The following TRIM41 variants were observed in gnomAD, a reference collection of about 807,000 sequenced individuals.
The protein encoded by TRIM41 is tripartite motif containing 41.
TRIM41 carries 21 observed loss-of-function variants against 60.6 expected under a neutral mutation model. That is an observed-to-expected ratio of 0.35 (90% CI 0.25 to 0.50). The LOEUF is 0.50. TRIM41 is among the 20% of genes least tolerant of loss of function. The probability of loss-of-function intolerance (pLI) is 0.98; values close to 1 mark genes in which losing one functional copy is unlikely to be tolerated. For missense variants in TRIM41, 846 were observed against 868.3 expected (o/e 0.97, Z 0.32); for synonymous variants, 407 against 344.9 (o/e 1.18, Z -2.00).
Position 181,223,737 on chromosome 5 carries a change from A to G in TRIM41, c.-263A>G, listed in dbSNP as rs971685820. On this transcript the variant is annotated 5_prime_UTR_variant, in exon 1 of 6. Transcript: ENST00000315073. ...GAGGAGTCCAAGGGAGCATTGGGGC[A>G]GACTTGTACTCAGAGCCACCTGAGG... The G allele has an allele frequency of 1.9e-5, 11 of 585,030 alleles. No homozygotes were observed. Among genetic ancestry groups the G allele is most frequent in the Admixed American group, 3.1e-5 (1 of 31,952 alleles). The allele number at this position is 585,030 out of a possible 1,614,324, so 36.2% of individuals were successfully genotyped here.
At position 181,234,316 on chromosome 5, in the gene TRIM41, C is replaced by T. The variant is rs764538566; in HGVS notation, c.1434C>T (p.Ala478=). The change falls in exon 6 of 6, where the codon GCC becomes GCT. Residue 478 remains alanine (A), a synonymous_variant. Coordinates refer to ENST00000315073, the MANE Select transcript of TRIM41 (RefSeq NM_033549.5). The surrounding 1 kb of genome is among the most constrained non-coding windows in gnomAD (Gnocchi z 5.6). ...RFSADCCVLG[A]QGFRSGRHYW... ...CGGCCGACTGCTGCGTACTGGGGGC[C>T]CAGGGCTTCCGCTCCGGCCGGCACT... The T allele has an allele frequency of 1.9e-6, 3 of 1,612,086 alleles. No homozygotes were observed. The highest frequency in any genetic ancestry group is 2.5e-6 in the Non-Finnish European group (3 of 1,179,492).
rs778341694 is a variant in TRIM41, at chr5:181,235,409, A to G, written c.*634A>G. ...GATCTGGAATGGTCGCCATGATTGA[A>G]ACCACGCACCATTACATCATCATTA... On this transcript the variant is annotated 3_prime_UTR_variant, in exon 6 of 6. Coordinates refer to ENST00000315073, the MANE Select transcript of TRIM41 (RefSeq NM_033549.5). The G allele has an allele frequency of 3.7e-6, 6 of 1,614,130 alleles. No individual in the cohort carries two copies. Among genetic ancestry groups the G allele is most frequent in the Non-Finnish European group, 5.1e-6 (6 of 1,180,010 alleles).
At position 181,223,627 on chromosome 5, in the gene TRIM41, A is replaced by C; in HGVS notation, c.-373A>C. ...GACAGCGGAGGGAAGTCGCGAGCTT[A>C]GGTGGTGTGTAGACGCCGGAAGTGT... On this transcript the variant is annotated 5_prime_UTR_variant, in exon 1 of 6. Transcript: ENST00000315073. The C allele has an allele frequency of 4.2e-6, 2 of 471,230 alleles. No homozygotes were observed. Among genetic ancestry groups the C allele is most frequent in the Non-Finnish European group, 7.5e-6 (2 of 267,954 alleles). 29.2% of individuals were successfully genotyped at this position (471,230 alleles called of 1,614,324 possible). A position where few individuals can be genotyped will look rare whatever the true frequency, so the allele number is the denominator to read the frequency against.
rs960046828 is a variant in TRIM41 at position 181,234,504 on chromosome 5, A to G, written c.1622A>G (p.Gln541Arg). The stretch of plus-strand genomic sequence containing the variant: ...CGCCGCCGCCGGCTCCACCTGCCCC[A>G]GCAGCCCCTGCTCCAGCGGGAAGTG... ...HHRRRRLHLP[Q>R]QPLLQREVWC... The change falls in exon 6 of 6, where the codon CAG becomes CGG. Residue 541 changes from glutamine (Q) to arginine (R), a missense_variant. Gln to Arg is a conservative substitution (Grantham distance 43, BLOSUM62 1). Transcript: ENST00000315073. The surrounding 1 kb of genome is among the most constrained non-coding windows in gnomAD (Gnocchi z 5.6). The G allele has an allele frequency of 3.1e-6, 5 of 1,613,796 alleles. No individual in the cohort carries two copies. Among genetic ancestry groups the G allele is most frequent in the Non-Finnish European group, 4.2e-6 (5 of 1,179,888 alleles).
Position 181,234,426 on chromosome 5 carries a change from C to A in TRIM41, c.1544C>A (p.Pro515His), listed in dbSNP as rs1231313028. The A allele has an allele frequency of 2.8e-5, 45 of 1,594,564 alleles. No homozygotes were observed. The highest frequency in any genetic ancestry group is 1.7e-4 in the Middle Eastern group (1 of 5,812). The change falls in exon 6 of 6, where the codon CCT becomes CAT. Residue 515 changes from proline (P) to histidine (H), a missense_variant. Coordinates refer to ENST00000315073, the MANE Select transcript of TRIM41 (RefSeq NM_033549.5). The surrounding 1 kb of genome is among the most constrained non-coding windows in gnomAD (Gnocchi z 5.6). ...ACCCATCATAAGGAAAAGGTGGGCC[C>A]TGGGGGTTCCTCCGTGGGCAGCGGG... ...ESTHHKEKVG[P>H]GGSSVGSGDA...
intron 1 of TRIM41, chr5:181,228,173 T>A (rs1758631232): frequency 6.8e-6 from 1 of 146,816 alleles, no homozygotes; most frequent in South Asian, 2.2e-4. Context: ...CGGTGGAGCT[T>A]GCAGTGAGCT....
rs55899220 is a variant in TRIM41 at position 181,223,421 on chromosome 5, C to A, written c.-579C>A. 23,268 of 399,884 alleles carry A rather than the reference C, an allele frequency of 0.058. 1,446 individuals carry two copies. Among genetic ancestry groups the A allele is most frequent in the African/African-American group, 0.22 (10,554 of 48,728 alleles). 24.8% of individuals were successfully genotyped at this position (399,884 alleles called of 1,614,324 possible). A position where few individuals can be genotyped will look rare whatever the true frequency, so the allele number is the denominator to read the frequency against. On this transcript the variant is annotated 5_prime_UTR_variant, in exon 1 of 6. Transcript: ENST00000315073. Reference sequence around the variant, plus strand: ...CCTACCCCCCGAAGTTTCTCCCCAGCGGCGGGGGATGGGGGTAGGCGGTTC... The same window carrying A: ...CCTACCCCCCGAAGTTTCTCCCCAGAGGCGGGGGATGGGGGTAGGCGGTTC...
chr5:181,233,994 G>T lies in TRIM41; in HGVS notation c.1292-180G>T. Reference sequence around the variant, plus strand: ...GAAGAGCCAGGCTGGGGGAAGACCTGTCAGGTATCCTAGGAACAAGAGTGA... The same window carrying T: ...GAAGAGCCAGGCTGGGGGAAGACCTTTCAGGTATCCTAGGAACAAGAGTGA... On this transcript the variant is annotated intron_variant, in intron 5 of 5. Coordinates refer to ENST00000315073, the MANE Select transcript of TRIM41 (RefSeq NM_033549.5). This position sits in a 1 kb window ranked among gnomAD's most constrained non-coding sequence, Gnocchi z 4.1. The T allele has an allele frequency of 8.1e-7, 1 of 1,229,204 alleles. No individual in the cohort carries two copies. Among genetic ancestry groups the T allele is most frequent in the Non-Finnish European group, 1.1e-6 (1 of 877,722 alleles). 76.1% of individuals were successfully genotyped at this position (1,229,204 alleles called of 1,614,324 possible). A position where few individuals can be genotyped will look rare whatever the true frequency, so the allele number is the denominator to read the frequency against.
rs1759046326 is a variant in TRIM41, at chr5:181,235,215, G to T, written c.*440G>T. ...CCCCATTCCAATTCCATTTTCTGAT[G>T]CAGATTTTAGCTGAGGGATTTGGAA... is the stretch of plus-strand genomic sequence containing the variant. On this transcript the variant is annotated 3_prime_UTR_variant, in exon 6 of 6. Transcript: ENST00000315073. The T allele has an allele frequency of 1.9e-6, 3 of 1,563,980 alleles. No individual in the cohort carries two copies. Among genetic ancestry groups the T allele is most frequent in the Non-Finnish European group, 1.7e-6 (2 of 1,151,388 alleles).
At position 181,235,294 on chromosome 5, in the gene TRIM41, A is replaced by T; in HGVS notation, c.*519A>T. 2 of 1,613,922 alleles carry T rather than the reference A, an allele frequency of 1.2e-6. No homozygotes were observed. The highest frequency in any genetic ancestry group is 1.7e-6 in the Non-Finnish European group (2 of 1,179,926). On this transcript the variant is annotated 3_prime_UTR_variant, in exon 6 of 6. Coordinates refer to ENST00000315073, the MANE Select transcript of TRIM41 (RefSeq NM_033549.5). Reference sequence around the variant, plus strand: ...GGGTAGAGCTGGGTAATAAATGTCTATTCTCCTGGGGAGGAGGGATTCTAA... The same window carrying T: ...GGGTAGAGCTGGGTAATAAATGTCTTTTCTCCTGGGGAGGAGGGATTCTAA...
rs768146583 is a variant in TRIM41, at chr5:181,235,018, G to A, written c.*243G>A. The A allele has an allele frequency of 1.9e-6, 3 of 1,614,076 alleles. No individual in the cohort carries two copies. Among genetic ancestry groups the A allele is most frequent in the Non-Finnish European group, 1.7e-6 (2 of 1,180,032 alleles). On this transcript the variant is annotated 3_prime_UTR_variant, in exon 6 of 6. Coordinates refer to ENST00000315073, the MANE Select transcript of TRIM41 (RefSeq NM_033549.5). ...CAGGTCTGCATGGGTCCCTGATAAT[G>A]AGAACAGCTGCCTGGTCTTCTCTCC...
chr5:181,231,682 T>C (rs957209751), intron 2 of TRIM41: 2 of 152,418 alleles, frequency 1.3e-5, no homozygotes, highest in African/African-American at 4.8e-5. Flanking sequence ...ATCGTGCTTC[T>C]GGCCAGCTGC....
chr5:181,225,045 A>C, intron 1 of TRIM41: 1 of 597,176 alleles, frequency 1.7e-6, no homozygotes, highest in Non-Finnish European at 3.0e-6. Context: ...CTCAAAGCAA[A>C]TAGAGCAAAG....
chr5:181,230,920 G>T, intron 2 of TRIM41, 81 bp downstream of exon 2: 1 of 1,315,294 alleles, frequency 7.6e-7, no homozygotes, highest in East Asian at 2.4e-5. Context: ...CACAGGGAGT[G>T]ACTTGGTCCC....
chr5:181,225,233 C>T lies in TRIM41; in HGVS notation c.813+421C>T, dbSNP rs181580251. On this transcript the variant is annotated intron_variant, in intron 1 of 5. Coordinates refer to ENST00000315073, the MANE Select transcript of TRIM41 (RefSeq NM_033549.5). ...ATAACTGCTAGTGTCAGTGTCAGAC[C>T]CAAATGCTCTGCACTTGCCTCCCAG... 1.4e-4 allele frequency: 35 copies of T among 241,714 alleles called. No homozygotes were observed. The East Asian group carries it at 3.3e-3, about 22-fold the overall frequency. The allele number at this position is 241,714 out of a possible 1,614,324, so 15.0% of individuals were successfully genotyped here. A position where few individuals can be genotyped will look rare whatever the true frequency, so the allele number is the denominator to read the frequency against.
chr5:181,234,466 G>A lies in TRIM41; in HGVS notation c.1584G>A (p.Ser528=), dbSNP rs745415788. Residue 528 remains serine (S), a synonymous_variant, in exon 6 of 6, where the codon TCG becomes TCA. Transcript: ENST00000315073. This position sits in a 1 kb window ranked among gnomAD's most constrained non-coding sequence, Gnocchi z 5.6. The stretch of plus-strand genomic sequence containing the variant: ...TGGGCAGCGGGGATGCCAGCTCCTC[G>A]CGCCATCACCATCGCCGCCGCCGGC... ...SSVGSGDASS[S]RHHHRRRRLH... The A allele has an allele frequency of 9.3e-6, 15 of 1,612,834 alleles. No individual in the cohort carries two copies. The highest frequency in any genetic ancestry group is 4.0e-5 in the African/African-American group (3 of 74,886).
At position 181,230,747 on chromosome 5, in the gene TRIM41, A is replaced by G; in HGVS notation, c.817A>G (p.Lys273Glu). 1 of 1,612,922 alleles carries G rather than the reference A, an allele frequency of 6.2e-7. No individual in the cohort carries two copies. Among genetic ancestry groups the G allele is most frequent in the Non-Finnish European group, 8.5e-7 (1 of 1,179,282 alleles). The change falls in exon 2 of 6, where the codon AAA becomes GAA. Residue 273 changes from lysine (K) to glutamate (E), a missense_variant. By Grantham distance (56) the Lys-to-Glu change is moderately conservative (BLOSUM62 1). Coordinates refer to ENST00000315073, the MANE Select transcript of TRIM41 (RefSeq NM_033549.5). The stretch of plus-strand genomic sequence containing the variant: ...TTTTCTTTTTCTGTTTCCTCAGGCC[A>G]AACTGCAGGGGCACGTGGAACCACT... ...LEEVVQEYKA[K>E]LQGHVEPLRK... is the part of the protein sequence containing the mutation.
Position 181,235,621 on chromosome 5 carries a change from T to A in TRIM41, c.*846T>A. 1.7e-6 allele frequency: 1 copy of A among 583,554 alleles called. No individual in the cohort carries two copies. The highest frequency in any genetic ancestry group is 3.0e-6 in the Non-Finnish European group (1 of 334,862). 36.1% of individuals were successfully genotyped at this position (583,554 alleles called of 1,614,324 possible). On this transcript the variant is annotated 3_prime_UTR_variant, in exon 6 of 6. Coordinates refer to ENST00000315073, the MANE Select transcript of TRIM41 (RefSeq NM_033549.5). ...ATGCCTTTCACTCCATTTGGCAAGC[T>A]CTGAGGGGGAGCCTGGGGACGGGTT... is the stretch of plus-strand genomic sequence containing the variant.
chr5:181,229,582 G>C (rs1041568509), intron 1 of TRIM41: 12 of 152,254 alleles, frequency 7.9e-5, no homozygotes, highest in African/African-American at 1.7e-4. Context: ...CTTTGGAAGA[G>C]GGGTTTCGGT....
Sources: gnomAD v4.1 joint callset for allele counts on GRCh38, gnomAD v4.1.1 for gene constraint, Gnocchi (gnomAD v3.1) non-coding constraint, MANE v1.5 for transcripts, NCBI Gene and HGNC (gene_info 2026-07-23, HGNC 2026-07-21) for gene names.